Variants in FAM107B observed in about 807,000 individuals in gnomAD.
FAM107B encodes family with sequence similarity 107 member B.
FAM107B carries 21 observed loss-of-function variants against 31.5 expected under a neutral mutation model. The observed-to-expected ratio is 0.67, with a 90% CI of 0.47 to 0.96. The LOEUF (loss-of-function observed/expected upper bound fraction) is 0.96. Ranked by LOEUF, FAM107B falls within the 40% of genes least tolerant of loss-of-function variation. The probability of loss-of-function intolerance (pLI) is 0.00; values close to 1 mark genes in which losing one functional copy is unlikely to be tolerated. For missense variants in FAM107B, 452 were observed against 377.1 expected, an observed-to-expected ratio of 1.20 and a Z score of -1.64; for synonymous variants, 157 against 141.5, an observed-to-expected ratio of 1.11 and a Z score of -0.78.
intron 2 of FAM107B, among the ~76,000 whole-genome samples, chr10:14,664,123 A>G (rs1419716935): frequency 6.6e-6 from 1 of 151,840 alleles, no homozygotes; most frequent in Non-Finnish European, 1.5e-5. Flanking sequence ...CTGGCCCCCT[A>G]CTTATGTCTC....
intron 1 of FAM107B, among the ~76,000 whole-genome samples, chr10:14,767,634 A>G (rs1186780503): frequency 6.6e-6 from 1 of 152,216 alleles, no homozygotes; most frequent in East Asian, 1.9e-4. Flanking sequence ...ATAATAAAAA[A>G]AATACTCAAA....
At chr10:14,763,272 G>T (rs538201682) in intron 1 of FAM107B, among the ~76,000 whole-genome samples, 1 of 152,236 alleles carries the variant, frequency 6.6e-6, no homozygotes, top group Admixed American at 6.5e-5. Flanking sequence ...AAATAAAAAC[G>T]TAAATAATAA....
intron 1 of FAM107B, among the ~76,000 whole-genome samples, chr10:14,688,437 A>G (rs1003009340): frequency 6.6e-6 from 1 of 152,150 alleles, no homozygotes; most frequent in African/African-American, 2.4e-5. Flanking sequence ...TGTGACTAAT[A>G]CACACACACA....
chr10:14,625,178 T>C (rs1456881779), intron 2 of FAM107B, among the ~76,000 whole-genome samples: 1 of 151,144 alleles, frequency 6.6e-6, no homozygotes, highest in Admixed American at 6.6e-5. Context: ...GTGAGCCAAG[T>C]TGGCACCACT....
chr10:14,656,055 C>T (rs1870416), intron 2 of FAM107B, among the ~76,000 whole-genome samples: 120,314 of 152,048 alleles, frequency 0.79, 48,315 homozygotes, highest in African/African-American at 0.92. Context: ...CTCCCCATCG[C>T]TGATATAAAC....
At chr10:14,722,365 C>T (rs1855931467) in intron 1 of FAM107B, among the ~76,000 whole-genome samples, 1 of 152,216 alleles carries the variant, frequency 6.6e-6, no homozygotes, top group Non-Finnish European at 1.5e-5. Flanking sequence ...TAGCCTACAT[C>T]TGTACTTCAT....
intron 2 of FAM107B, among the ~76,000 whole-genome samples, chr10:14,617,249 T>C (rs917413238): frequency 2.0e-5 from 3 of 152,204 alleles, no homozygotes; most frequent in Non-Finnish European, 4.4e-5. Context: ...GAGACCTGTG[T>C]GTAATTCCTG....
At chr10:14,556,565 G>A (rs2131125929) in intron 2 of FAM107B, among the ~76,000 whole-genome samples, 1 of 152,314 alleles carries the variant, frequency 6.6e-6, no homozygotes, top group South Asian at 2.1e-4. Context: ...TGTGTGCTCC[G>A]TGCTACTGCC....
At chr10:14,689,137 A>C (rs1564626500) in intron 1 of FAM107B, among the ~76,000 whole-genome samples, 1 of 152,130 alleles carries the variant, frequency 6.6e-6, no homozygotes, top group South Asian at 2.1e-4. Context: ...GCGGTGGCTC[A>C]CACCTGTAAT....
intron 2 of FAM107B, among the ~76,000 whole-genome samples, chr10:14,570,271 A>ATC (rs139320953): frequency 0.025 from 3,110 of 121,966 alleles, 112 homozygotes; most frequent in African/African-American, 0.092. Context: ...TGTGTGTGTG[A>ATC]TGTTTATCTA....
chr10:14,676,755 A>G (rs1420383237), intron 1 of FAM107B, among the ~76,000 whole-genome samples: 1 of 152,226 alleles, frequency 6.6e-6, no homozygotes, highest in Non-Finnish European at 1.5e-5. Context: ...CTGTGCAAGT[A>G]ATCTTATTAA....
At chr10:14,532,160 T>C (rs1249365111) in intron 2 of FAM107B, among the ~76,000 whole-genome samples, 1 of 152,204 alleles carries the variant, frequency 6.6e-6, no homozygotes, top group African/African-American at 2.4e-5. Flanking sequence ...CTCGCTGGCC[T>C]GTGACACTGC....
At chr10:14,566,608 T>G (rs887943426) in intron 2 of FAM107B, among the ~76,000 whole-genome samples, 2 of 152,284 alleles carry the variant, frequency 1.3e-5, no homozygotes, top group African/African-American at 4.8e-5. Flanking sequence ...GCCACGGAAC[T>G]GGTGAGGGAA....
At chr10:14,550,577 G>T (rs1026419302) in intron 2 of FAM107B, among the ~76,000 whole-genome samples, 1 of 152,186 alleles carries the variant, frequency 6.6e-6, no homozygotes, top group Admixed American at 6.5e-5. Flanking sequence ...AAGGTGGCGT[G>T]GCACCCCTTA....
chr10:14,587,101 G>A (rs940993782), intron 2 of FAM107B, among the ~76,000 whole-genome samples: 3 of 152,130 alleles, frequency 2.0e-5, no homozygotes, highest in African/African-American at 4.8e-5. Context: ...CAGGCACTGT[G>A]CCAGGTGCTT....
intron 2 of FAM107B, among the ~76,000 whole-genome samples, chr10:14,629,613 A>C (rs12243980): frequency 0.039 from 5,787 of 146,522 alleles, 178 homozygotes; most frequent in African/African-American, 0.084. Flanking sequence ...CCCGGGTTCC[A>C]GCCATTCTCC....
rs941306292 is a variant in FAM107B at position 14,770,446 on chromosome 10, A to T, written c.411+3807T>A. Among the ~76,000 whole-genome samples, 4 of 152,052 alleles carry T rather than the reference A, an allele frequency of 2.6e-5. No homozygotes were observed. In the East Asian group the frequency reaches 7.7e-4, roughly 29 times the overall value. ...GCTGAGGCAGGAGAATTACTTGAAC[A>T]CGGGAGGCAGAAGTTGCAGTGAGCC... On this transcript the variant is annotated intron_variant, in intron 1 of 4. Coordinates refer to ENST00000181796, the MANE Select transcript of FAM107B (RefSeq NM_031453.4).
intron 1 of FAM107B, among the ~76,000 whole-genome samples, chr10:14,689,377 C>G (rs1267328897): frequency 7.0e-5 from 4 of 57,066 alleles, no homozygotes; most frequent in African/African-American, 3.9e-4. Context: ...AAGACCCTAT[C>G]TCAAAAAAAA....
At chr10:14,729,004 T>G (rs774575978) in intron 1 of FAM107B, among the ~76,000 whole-genome samples, 53 of 152,000 alleles carry the variant, frequency 3.5e-4, no homozygotes, top group Non-Finnish European at 5.7e-4. Context: ...TGTGTTTTGT[T>G]TTTTTTTAAA....
Sources: gnomAD v4.1 joint callset for allele counts (sites outside exome capture counted in the v4.1 genomes callset) on GRCh38, gnomAD v4.1.1 for gene constraint, MANE v1.5 for transcripts, NCBI Gene and HGNC (gene_info 2026-07-23, HGNC 2026-07-21) for gene names.